LRRIQ4: variants seen among roughly 807,000 people sequenced by gnomAD.
The protein encoded by LRRIQ4 is leucine-rich repeat and IQ domain-containing protein 4.
LRRIQ4 carries 21 observed loss-of-function variants against 40.1 expected under a neutral mutation model. The ratio of observed to expected loss-of-function variants is 0.52; its 90% CI spans 0.37 to 0.75. LRRIQ4 has a LOEUF of 0.75. Ranked by LOEUF, LRRIQ4 falls within the 30% of genes least tolerant of loss-of-function variation. The pLI, the probability that LRRIQ4 is intolerant of heterozygous loss-of-function variation, is 0.00. For synonymous variants in LRRIQ4, 277 were observed against 277.1 expected, an observed-to-expected ratio of 1.00 and a Z score of 0.00; for missense variants, 655 against 660.0, an observed-to-expected ratio of 0.99 and a Z score of 0.08.
At chr3:169,830,135 A>G (rs747084353) in intron 3 of LRRIQ4, among the ~76,000 whole-genome samples, 35 of 152,176 alleles carry the variant, frequency 2.3e-4, no homozygotes, top group Non-Finnish European at 4.6e-4. Context: ...ATTCTGTAGC[A>G]ACTGCCACAG....
In LRRIQ4 at chr3:169,822,595, T is replaced by C. The variant is rs61754888; in HGVS notation, c.674T>C (p.Val225Ala). ...KFYMASNNLP[V>A]LPASLCQCSQ... ...TATATGGCTTCTAACAACCTTCCCG[T>C]TCTGCCCGCGTCCTTGTGCCAGTGT... The change falls in exon 2 of 6, where the codon GTT becomes GCT. Residue 225 changes from valine (V) to alanine (A), a missense_variant. Transcript: ENST00000340806. 9.3e-4 allele frequency: 1,505 copies of C among 1,614,026 alleles called. 12 individuals carry two copies. The African/African-American group carries it at 0.017, about 18-fold the overall frequency.
chr3:169,814,744 C>T (rs1460216058), intron 1 of LRRIQ4, among the ~76,000 whole-genome samples: 1 of 152,172 alleles, frequency 6.6e-6, no homozygotes, highest in Non-Finnish European at 1.5e-5. Context: ...CTCTGCCGCC[C>T]AAAGTGCTGG....
chr3:169,833,728 G>A (rs570839706), intron 5 of LRRIQ4, among the ~76,000 whole-genome samples: 38 of 152,020 alleles, frequency 2.5e-4, no homozygotes, highest in Non-Finnish European at 5.1e-4. Flanking sequence ...TCTCACAGCC[G>A]GATAACTACA....
chr3:169,828,904 A>G lies in LRRIQ4; in HGVS notation c.1166A>G (p.Tyr389Cys). 3 of 1,613,462 alleles carry G rather than the reference A, an allele frequency of 1.9e-6. No homozygotes were observed. The highest frequency in any genetic ancestry group is 1.1e-5 in the South Asian group (1 of 90,906). ...CAAGACCAGGGATTCAAACTTACCT[A>G]TGTGCCAGAACACATTAGGAAACTG... ...IGQDQGFKLT[Y>C]VPEHIRKLQS... Residue 389 changes from tyrosine to cysteine, a missense_variant, in exon 3 of 6, where the codon TAT becomes TGT. By Grantham distance (194) the Tyr-to-Cys change is radical (BLOSUM62 -2). Coordinates refer to ENST00000340806, the MANE Select transcript of LRRIQ4 (RefSeq NM_001080460.3).
chr3:169,815,934 TC>T (rs1779760024), intron 1 of LRRIQ4, among the ~76,000 whole-genome samples: 2 of 152,236 alleles, frequency 1.3e-5, no homozygotes, highest in Admixed American at 6.5e-5. Flanking sequence ...ATAGGTTGTA[TC>T]ACATTGATTG....
intron 5 of LRRIQ4, among the ~76,000 whole-genome samples, chr3:169,834,276 C>T (rs1326189563): frequency 4.6e-5 from 7 of 152,140 alleles, no homozygotes; most frequent in African/African-American, 1.7e-4. Context: ...GCAGGAGAAT[C>T]GCTTGAACCC....
At chr3:169,819,864 G>T (rs538723835) in intron 1 of LRRIQ4, among the ~76,000 whole-genome samples, 37 of 152,334 alleles carry the variant, frequency 2.4e-4, no homozygotes, top group African/African-American at 8.4e-4. Flanking sequence ...GGAAACTGGA[G>T]ATTTTATCTT....
intron 1 of LRRIQ4, among the ~76,000 whole-genome samples, 134 bp downstream of exon 1, chr3:169,813,180 T>C (rs979351690): frequency 9.2e-5 from 14 of 152,174 alleles, no homozygotes; most frequent in Admixed American, 3.3e-4. Context: ...ACTGAAACAA[T>C]GAGAATTGCC....
intron 1 of LRRIQ4, among the ~76,000 whole-genome samples, chr3:169,819,886 C>T (rs78820870): frequency 0.078 from 11,834 of 152,130 alleles, 578 homozygotes; most frequent in Middle Eastern, 0.12. Flanking sequence ...CAGGACTGAA[C>T]AGTATTAGAT....
At chr3:169,813,407 T>C (rs1417496433) in intron 1 of LRRIQ4, among the ~76,000 whole-genome samples, 1 of 152,216 alleles carries the variant, frequency 6.6e-6, no homozygotes, top group Non-Finnish European at 1.5e-5. Context: ...TGTCTCATTG[T>C]CCAGATGTGA....
chr3:169,834,415 A>T (rs1780260220), intron 5 of LRRIQ4, among the ~76,000 whole-genome samples: 1 of 152,246 alleles, frequency 6.6e-6, no homozygotes, highest in South Asian at 2.1e-4. Context: ...ACTTGAAAGA[A>T]TGAAAGTTGT....
chr3:169,824,101 C>T (rs1230386174), intron 2 of LRRIQ4, among the ~76,000 whole-genome samples: 1 of 151,990 alleles, frequency 6.6e-6, no homozygotes, highest in Non-Finnish European at 1.5e-5. Context: ...TACATACACA[C>T]ATATACACAC....
chr3:169,830,377 GAAAAAAAAAAAAA>G (rs56795981), intron 3 of LRRIQ4, 102 bp from the exon 4 acceptor site: 1,821 of 106,628 alleles, frequency 0.017, 39 homozygotes, highest in African/African-American at 0.069. Context: ...CACTGAAAGT[GAAAAAAAAAAAAA>G]AAAAAAAAAA....
chr3:169,827,599 T>A, intron 2 of LRRIQ4, among the ~76,000 whole-genome samples: 1 of 99,614 alleles, frequency 1.0e-5, no homozygotes. Flanking sequence ...AGAGCGAGAC[T>A]CCGTCTCAAA....
intron 4 of LRRIQ4, among the ~76,000 whole-genome samples, chr3:169,831,440 ATTTTTTTTTTTTTTTTT>A (rs750864248): frequency 3.1e-4 from 9 of 29,430 alleles, no homozygotes; most frequent in African/African-American, 5.1e-4. Flanking sequence ...CGCCCGGCTA[ATTTTTTTTTTTTTTTTT>A]TTTTTTTTTT....
At chr3:169,818,842 G>T (rs2108264290) in intron 1 of LRRIQ4, among the ~76,000 whole-genome samples, 1 of 152,256 alleles carries the variant, frequency 6.6e-6, no homozygotes, top group South Asian at 2.1e-4. Context: ...AACTAGAAAT[G>T]GGTTTTTATG....
At chr3:169,821,680 CT>C (rs201578463) in intron 1 of LRRIQ4, among the ~76,000 whole-genome samples, 3,004 of 147,260 alleles carry the variant, frequency 0.02, 36 homozygotes, top group Middle Eastern at 0.035. Flanking sequence ...AAGTTAATCT[CT>C]TTTTTTTTTT....
chr3:169,813,633 G>A (rs577422492), intron 1 of LRRIQ4, among the ~76,000 whole-genome samples: 1 of 152,184 alleles, frequency 6.6e-6, no homozygotes, highest in East Asian at 1.9e-4. Flanking sequence ...TACACAGGGC[G>A]TACTCTAAGT....
At chr3:169,830,433 C>G (rs1780140993) in intron 3 of LRRIQ4, 59 bp from the exon 4 acceptor site, 83 of 352,268 alleles carry the variant, frequency 2.4e-4, no homozygotes, top group Middle Eastern at 6.4e-4. Context: ...ACAGGTGATT[C>G]TGGTTATTAT....
Sources: gnomAD v4.1 joint callset for allele counts (sites outside exome capture counted in the v4.1 genomes callset) on GRCh38, gnomAD v4.1.1 for gene constraint, MANE v1.5 for transcripts, NCBI Gene and HGNC (gene_info 2026-07-23, HGNC 2026-07-21) for gene names.